Variants in BRINP3 observed in about 807,000 individuals in gnomAD.
The protein encoded by BRINP3 is BMP/retinoic acid-inducible neural-specific protein 3.
BRINP3 carries 19 observed loss-of-function variants against 71.0 expected under a neutral mutation model. That is an observed-to-expected ratio of 0.27 (90% CI 0.19 to 0.39). The LOEUF (loss-of-function observed/expected upper bound fraction) is 0.39. BRINP3 is among the 10% of genes least tolerant of loss of function. The pLI, the probability that BRINP3 is intolerant of heterozygous loss-of-function variation, is 1.00. For synonymous variants in BRINP3, 380 were observed against 337.7 expected, an observed-to-expected ratio of 1.13 and a Z score of -1.37; for missense variants, 959 against 940.8, an observed-to-expected ratio of 1.02 and a Z score of -0.25.
intron 1 of BRINP3, among the ~76,000 whole-genome samples, chr1:190,464,651 A>G (rs551757947): frequency 1.6e-3 from 240 of 152,048 alleles, no homozygotes; most frequent in Non-Finnish European, 2.9e-3. Flanking sequence ...CACTAGCAGG[A>G]GATTTCCATT....
At chr1:190,176,462 C>T (rs1475974692) in intron 6 of BRINP3, among the ~76,000 whole-genome samples, 1 of 152,180 alleles carries the variant, frequency 6.6e-6, no homozygotes, top group African/African-American at 2.4e-5. Flanking sequence ...TACGAAGTCA[C>T]TATTAGTAGC....
chr1:190,283,249 G>T (rs1342958999), intron 2 of BRINP3, among the ~76,000 whole-genome samples: 1 of 151,866 alleles, frequency 6.6e-6, no homozygotes, highest in Non-Finnish European at 1.5e-5. Flanking sequence ...GTTTTTCCTC[G>T]AAGGGTTCTC....
chr1:190,349,340 G>A (rs1418814266), intron 2 of BRINP3, among the ~76,000 whole-genome samples: 3 of 152,084 alleles, frequency 2.0e-5, no homozygotes, highest in Non-Finnish European at 2.9e-5. Flanking sequence ...AAGGTTAAGA[G>A]TGGAGAGTGA....
At chr1:190,291,019 G>A (rs530391079) in intron 2 of BRINP3, among the ~76,000 whole-genome samples, 2 of 151,778 alleles carry the variant, frequency 1.3e-5, no homozygotes, top group Non-Finnish European at 2.9e-5. Flanking sequence ...AAGGTTGAGA[G>A]AAGTTTATCC....
intron 7 of BRINP3, among the ~76,000 whole-genome samples, chr1:190,118,537 C>G (rs553091370): frequency 5.3e-5 from 8 of 152,188 alleles, no homozygotes; most frequent in African/African-American, 1.7e-4. Context: ...TGGAACTCAC[C>G]ATGAACCTAG....
chr1:190,399,295 G>T (rs568784659), intron 2 of BRINP3, among the ~76,000 whole-genome samples: 1 of 151,544 alleles, frequency 6.6e-6, no homozygotes, highest in Admixed American at 6.6e-5. Flanking sequence ...ACTTTGAAAA[G>T]AAATAAAACG....
chr1:190,342,635 C>T (rs1558198681), intron 2 of BRINP3: 1 of 151,440 alleles, frequency 6.6e-6, no homozygotes, highest in Non-Finnish European at 1.5e-5. Context: ...CTGTTGGCAA[C>T]TGGGCAGCAT....
chr1:190,185,113 A>G (rs1653396610), intron 6 of BRINP3, among the ~76,000 whole-genome samples: 1 of 152,160 alleles, frequency 6.6e-6, no homozygotes. Context: ...GTAGGACTGC[A>G]TCAAATTAAA....
At chr1:190,187,298 T>C (rs1359074230) in intron 6 of BRINP3, among the ~76,000 whole-genome samples, 1 of 152,176 alleles carries the variant, frequency 6.6e-6, no homozygotes, top group African/African-American at 2.4e-5. Context: ...AGATGTATAG[T>C]TGGCAAATGT....
chr1:190,377,729 T>C (rs1028371376), intron 2 of BRINP3, among the ~76,000 whole-genome samples: 4 of 151,582 alleles, frequency 2.6e-5, no homozygotes, highest in Non-Finnish European at 5.9e-5. Context: ...TGTGTCTTTA[T>C]ACAGTAGCAA....
intron 2 of BRINP3, among the ~76,000 whole-genome samples, chr1:190,353,449 T>G (rs1368648701): frequency 6.6e-6 from 1 of 152,016 alleles, no homozygotes; most frequent in Non-Finnish European, 1.5e-5. Flanking sequence ...ATGATACAAT[T>G]TGGTTTAATT....
chr1:190,367,260 C>T (rs1463029085), intron 2 of BRINP3, among the ~76,000 whole-genome samples: 1 of 152,176 alleles, frequency 6.6e-6, no homozygotes, highest in Non-Finnish European at 1.5e-5. Context: ...TCTGTGGACC[C>T]ACAGGCCCAG....
intron 2 of BRINP3, among the ~76,000 whole-genome samples, chr1:190,356,785 G>C (rs1668761583): frequency 6.6e-6 from 1 of 151,968 alleles, no homozygotes; most frequent in Admixed American, 6.6e-5. Context: ...ACATCTGTGG[G>C]GAACAATTAC....
chr1:190,269,871 C>T (rs966948814), intron 3 of BRINP3, among the ~76,000 whole-genome samples: 7 of 151,960 alleles, frequency 4.6e-5, no homozygotes, highest in Non-Finnish European at 8.8e-5. Flanking sequence ...ATCTACTCCA[C>T]AATCCTACTT....
intron 7 of BRINP3, among the ~76,000 whole-genome samples, chr1:190,100,680 T>C (rs1285344790): frequency 6.6e-6 from 1 of 152,206 alleles, no homozygotes; most frequent in Non-Finnish European, 1.5e-5. Context: ...GCAAAAGCCT[T>C]TCTTGTCCAG....
At position 190,322,645 on chromosome 1, in the gene BRINP3, C is replaced by G. The variant is rs1666321763; in HGVS notation, c.237-40895G>C. Among the ~76,000 whole-genome samples the G allele has an allele frequency of 1.3e-5, 2 of 152,016 alleles. 1 individual carries two copies. Among genetic ancestry groups the G allele is most frequent in the South Asian group, 4.1e-4 (2 of 4,830 alleles). Reference sequence around the variant, plus strand: ...AGGACCAGAAATGGTTTGACAAACCCTTGCCAAAGCCAACATGTCAATCTT... The same window carrying G: ...AGGACCAGAAATGGTTTGACAAACCGTTGCCAAAGCCAACATGTCAATCTT... On this transcript the variant is annotated intron_variant, in intron 2 of 7. Coordinates refer to ENST00000367462, the MANE Select transcript of BRINP3 (RefSeq NM_199051.3).
At chr1:190,280,931 A>G (rs1187932725) in intron 3 of BRINP3, among the ~76,000 whole-genome samples, 1 of 151,964 alleles carries the variant, frequency 6.6e-6, no homozygotes, top group Non-Finnish European at 1.5e-5. Flanking sequence ...TATATTCAAA[A>G]TGCTGAATCA....
intron 6 of BRINP3, among the ~76,000 whole-genome samples, chr1:190,198,697 C>T (rs1654718189): frequency 6.6e-6 from 1 of 152,236 alleles, no homozygotes; most frequent in East Asian, 1.9e-4. Context: ...CAACAAGAGC[C>T]TCATCTCCAT....
At chr1:190,102,338 G>A (rs547636241) in intron 7 of BRINP3, among the ~76,000 whole-genome samples, 2 of 152,202 alleles carry the variant, frequency 1.3e-5, no homozygotes, top group Admixed American at 6.5e-5. Flanking sequence ...GAATTTTGGA[G>A]ACAAATGTCC....
Sources: allele counts gnomAD v4.1 joint callset (sites outside exome capture counted in the v4.1 genomes callset), GRCh38; gene constraint gnomAD v4.1.1; transcripts MANE v1.5; gene names NCBI Gene and HGNC (gene_info 2026-07-23, HGNC 2026-07-21).